The following TMPRSS6 variants were observed in gnomAD, a reference collection of about 807,000 sequenced individuals.
The protein encoded by TMPRSS6 is transmembrane protease serine 6.
Under a neutral mutation model 101.5 loss-of-function variants are expected in TMPRSS6, and 67 were observed. The observed-to-expected ratio is 0.66, with a 90% CI of 0.54 to 0.81. The LOEUF is 0.81. Ranked by LOEUF, TMPRSS6 falls within the 30% of genes least tolerant of loss-of-function variation. The pLI, the probability that TMPRSS6 is intolerant of heterozygous loss-of-function variation, is 0.00. For missense variants in TMPRSS6, 1,034 were observed against 1,088.7 expected (o/e 0.95, Z 0.71); for synonymous variants, 453 against 464.9 (o/e 0.97, Z 0.33).
chr22:37,071,492 C>T (rs989413213), intron 13 of TMPRSS6, among the ~76,000 whole-genome samples: 1 of 152,236 alleles, frequency 6.6e-6, no homozygotes, highest in Non-Finnish European at 1.5e-5. Context: ...TAAGTTTTAG[C>T]TCTCACCAAG....
rs56095466 is a variant in TMPRSS6, at chr22:37,100,414, A to AGG, written c.203-1867_203-1866dup. Among the ~76,000 whole-genome samples, 1,392 of 151,994 alleles carry AGG rather than the reference A, an allele frequency of 9.2e-3. 7 individuals carry two copies. Among genetic ancestry groups the AGG allele is most frequent in the Non-Finnish European group, 0.014 (944 of 67,944 alleles). On this transcript the variant is annotated intron_variant, in intron 2 of 17. Transcript: ENST00000676104. ...GCAGGGCTCCAGGGGAGAGATGTCC[A>AGG]GGGGGACAGAGCCTGGCCCCAGCTG... is the stretch of plus-strand genomic sequence containing the variant.
rs1482879751 is a variant in TMPRSS6 at position 37,069,171 on chromosome 22, G to C, written c.2015C>G (p.Ser672Trp). ...LLQLDHPVVR[S>W]AAVRPVCLPA... The stretch of plus-strand genomic sequence containing the variant: ...CAGGCAGACGGGGCGCACGGCGGCC[G>C]AGCGCACCACCGGGTGGTCGAGCTG... Residue 672 changes from serine (S) to tryptophan (W), a missense_variant, in exon 16 of 18, where the codon TCG (serine) becomes TGG (tryptophan). By Grantham distance (177) the Ser-to-Trp change is radical. Coordinates refer to ENST00000676104, the MANE Select transcript of TMPRSS6 (RefSeq NM_001374504.1). This position sits in a 1 kb window ranked among gnomAD's most constrained non-coding sequence, Gnocchi z 4.8. 6.3e-7 allele frequency: 1 copy of C among 1,588,034 alleles called. No individual in the cohort carries two copies. Among genetic ancestry groups the C allele is most frequent in the African/African-American group, 1.3e-5 (1 of 74,366 alleles).
At chr22:37,089,942 C>T (rs1929114578) in intron 6 of TMPRSS6, among the ~76,000 whole-genome samples, 160 bp from the exon 7 acceptor site, 1 of 152,266 alleles carries the variant, frequency 6.6e-6, no homozygotes. Context: ...TTCTCTTTCC[C>T]TGTCAGTATC....
At chr22:37,068,782 A>G in intron 16 of TMPRSS6, 1 of 725,858 alleles carries the variant, frequency 1.4e-6, no homozygotes, top group South Asian at 1.5e-5. Context: ...CCCAAGGAAC[A>G]GCAGGTGGAG....
intron 10 of TMPRSS6, among the ~76,000 whole-genome samples, chr22:37,076,910 T>C (rs533433451): frequency 6.6e-6 from 1 of 152,308 alleles, no homozygotes; most frequent in South Asian, 2.1e-4. Flanking sequence ...TGAAGGCCAG[T>C]GGGGACATCC....
At chr22:37,089,544 G>GGCCAACCACC in intron 7 of TMPRSS6, 34 bp downstream of exon 7, 1 of 1,348,864 alleles carries the variant, frequency 7.4e-7, no homozygotes, top group Non-Finnish European at 1.0e-6. Context: ...CCCTTTTCCA[G>GGCCAACCACC]CCCTCCCTCC....
In TMPRSS6 at chr22:37,090,276, G is replaced by A. The variant is rs138834792; in HGVS notation, c.632-494C>T. Among the ~76,000 whole-genome samples the A allele has an allele frequency of 3.4e-3, 524 of 152,338 alleles. 2 individuals carry two copies. Among genetic ancestry groups the A allele is most frequent in the African/African-American group, 0.012 (480 of 41,568 alleles). ...AGGGAGGCCTGGCCCAGGCCATTCC[G>A]AGGATGGGCGCTGCTTTCTCCTGCA... is the stretch of plus-strand genomic sequence containing the variant. On this transcript the variant is annotated intron_variant, in intron 6 of 17. Transcript: ENST00000676104.
chr22:37,088,133 G>C (rs1299052385), intron 7 of TMPRSS6, among the ~76,000 whole-genome samples: 1 of 152,106 alleles, frequency 6.6e-6, no homozygotes, highest in African/African-American at 2.4e-5. Context: ...AGAAGCCCCA[G>C]GGGAAACCCC....
chr22:37,066,707 C>T (rs1926319914), intron 17 of TMPRSS6, 119 bp downstream of exon 17: 2 of 1,409,114 alleles, frequency 1.4e-6, no homozygotes, highest in Non-Finnish European at 2.0e-6. Context: ...GTGGCCATCA[C>T]CACCTTGCTG....
At chr22:37,093,301 C>A (rs1929431906) in intron 6 of TMPRSS6, among the ~76,000 whole-genome samples, 1 of 151,210 alleles carries the variant, frequency 6.6e-6, no homozygotes, top group Non-Finnish European at 1.5e-5. Context: ...AGGCACGAGG[C>A]AACATGAGGC....
intron 2 of TMPRSS6, among the ~76,000 whole-genome samples, chr22:37,102,277 C>T (rs1930383890): frequency 6.6e-6 from 1 of 152,238 alleles, no homozygotes; most frequent in African/African-American, 2.4e-5. Flanking sequence ...ACATGCTATG[C>T]TTTAGCGTAA....
At chr22:37,084,862 A>T in intron 8 of TMPRSS6, 23 bp from the exon 9 acceptor site, 2 of 1,542,900 alleles carry the variant, frequency 1.3e-6, no homozygotes, top group Non-Finnish European at 1.8e-6. Flanking sequence ...AGCAGCTGTT[A>T]CACAGGGGTC....
At chr22:37,084,618 G>T in intron 9 of TMPRSS6, 109 bp downstream of exon 9, 1 of 1,015,026 alleles carries the variant, frequency 9.9e-7, no homozygotes, top group Non-Finnish European at 1.5e-6. Context: ...GGCTCAGCCT[G>T]TGGGCGCTTC....
At chr22:37,096,832 A>G in intron 3 of TMPRSS6, 117 bp from the exon 4 acceptor site, 1 of 1,012,230 alleles carries the variant, frequency 9.9e-7, no homozygotes, top group Non-Finnish European at 1.5e-6. Context: ...TGATTCTCCA[A>G]GGTGGACAGG....
chr22:37,080,634 C>T (rs527589587), intron 10 of TMPRSS6, among the ~76,000 whole-genome samples: 1 of 152,404 alleles, frequency 6.6e-6, no homozygotes, highest in East Asian at 1.9e-4. Context: ...GGATGGTTTG[C>T]AGGCGCCACC....
At chr22:37,076,607 A>C (rs1348341569) in intron 10 of TMPRSS6, among the ~76,000 whole-genome samples, 2 of 152,158 alleles carry the variant, frequency 1.3e-5, no homozygotes, top group Non-Finnish European at 2.9e-5. Context: ...CACCCCACAG[A>C]GCAAGTGGGC....
Position 37,103,715 on chromosome 22 carries a change from C to T in TMPRSS6, c.-1-297G>A. 7.1e-6 allele frequency: 6 copies of T among 842,172 alleles called. 1 individual carries two copies. The Admixed American group carries it at 8.0e-5, about 11-fold the overall frequency. 52.2% of individuals were successfully genotyped at this position (842,172 alleles called of 1,614,324 possible). On this transcript the variant is annotated intron_variant, in intron 1 of 17. Coordinates refer to ENST00000676104, the MANE Select transcript of TMPRSS6 (RefSeq NM_001374504.1). The surrounding 1 kb of genome is among the most constrained non-coding windows in gnomAD (Gnocchi z 4.4). ...CAGAGGACAGACGGAGGTCTCAGTA[C>T]CTAAACACCCACCTCCCTAGAGGCT... is the stretch of plus-strand genomic sequence containing the variant.
At chr22:37,067,475 CAAAAAAA>C (rs550232829) in intron 16 of TMPRSS6, among the ~76,000 whole-genome samples, 4 of 148,822 alleles carry the variant, frequency 2.7e-5, no homozygotes, top group Admixed American at 6.6e-5. Flanking sequence ...CTCAAAAAAA[CAAAAAAA>C]AGAAAAAAGA....
intron 2 of TMPRSS6, among the ~76,000 whole-genome samples, chr22:37,099,980 T>C (rs1930159138): frequency 6.6e-6 from 1 of 152,146 alleles, no homozygotes; most frequent in African/African-American, 2.4e-5. Flanking sequence ...TTTTGTTTTG[T>C]TTTTGAGACA....
Sources: gnomAD v4.1 joint callset for allele counts (sites outside exome capture counted in the v4.1 genomes callset) on GRCh38, gnomAD v4.1.1 for gene constraint, Gnocchi (gnomAD v3.1) non-coding constraint, MANE v1.5 for transcripts, NCBI Gene and HGNC (gene_info 2026-07-23, HGNC 2026-07-21) for gene names.